The following ZBTB47 variants were observed in gnomAD, a reference collection of about 807,000 sequenced individuals.
ZBTB47 encodes the protein zinc finger and BTB domain containing 47, also known as zinc finger and BTB domain-containing protein 47.
A neutral mutation model predicts 56.6 loss-of-function variants in ZBTB47; 24 were observed. The ratio of observed to expected loss-of-function variants is 0.42; its 90% CI spans 0.31 to 0.60. The LOEUF (loss-of-function observed/expected upper bound fraction) is 0.60, where lower values mean the gene tolerates loss of function less well. ZBTB47 is among the 20% of genes least tolerant of loss of function. ZBTB47 has a pLI of 0.14. For synonymous variants in ZBTB47, 414 were observed against 418.9 expected, an observed-to-expected ratio of 0.99 and a Z score of 0.14; for missense variants, 829 against 1,032.6, an observed-to-expected ratio of 0.80 and a Z score of 2.70.
chr3:42,657,853 C>T (rs1710656793), intron 1 of ZBTB47, among the ~76,000 whole-genome samples: 1 of 152,134 alleles, frequency 6.6e-6, no homozygotes, highest in Non-Finnish European at 1.5e-5. Flanking sequence ...CTGGGGTGAC[C>T]ACCTGGTCCC....
chr3:42,666,825 A>G lies in ZBTB47; in HGVS notation c.*2227A>G, dbSNP rs1454251766. On this transcript the variant is annotated 3_prime_UTR_variant, in exon 6 of 6. Transcript: ENST00000232974. ...CCCTCTGGGATCAGGTGAGGGGTCC[A>G]GACAGCTGACCAGACAGCTTGACAG... 6.6e-6 allele frequency among the ~76,000 whole-genome samples: 1 copy of G among 152,218 alleles called. No homozygotes were observed. The highest frequency in any genetic ancestry group is 1.5e-5 in the Non-Finnish European group (1 of 68,042).
chr3:42,655,534 G>A (rs1203065085), intron 1 of ZBTB47, among the ~76,000 whole-genome samples: 2 of 152,224 alleles, frequency 1.3e-5, no homozygotes, highest in Admixed American at 1.3e-4. Flanking sequence ...GAAACCCCCT[G>A]GCAACCAGAG....
Position 42,659,608 on chromosome 3 carries a change from C to T in ZBTB47, c.1253C>T (p.Pro418Leu), listed in dbSNP as rs572001054. ...PGVASASARG[P>L]PATDGLGAKV... Reference sequence around the variant, plus strand: ...GTGGCCTCTGCATCGGCCCGAGGGCCGCCAGCCACTGATGGGCTGGGGGCC... The same window carrying T: ...GTGGCCTCTGCATCGGCCCGAGGGCTGCCAGCCACTGATGGGCTGGGGGCC... The change falls in exon 2 of 6, where the codon CCG (proline) becomes CTG (leucine). Residue 418 changes from proline to leucine, a missense_variant. This residue lies in a region of ZBTB47 where 187 missense variants were observed against 253.1 expected (regional missense o/e 0.74). Transcript: ENST00000232974. 3.6e-5 allele frequency: 57 copies of T among 1,605,532 alleles called. No homozygotes were observed. The highest frequency in any genetic ancestry group is 5.6e-5 in the South Asian group (5 of 89,988).
chr3:42,659,198 GGAC>G lies in ZBTB47; in HGVS notation c.849_851del (p.Asp283del), dbSNP rs749396739. 20 of 1,524,314 alleles carry G rather than the reference GGAC, an allele frequency of 1.3e-5. No homozygotes were observed. The highest frequency in any genetic ancestry group is 4.1e-5 in the African/African-American group (3 of 72,538). 94.4% of individuals were successfully genotyped at this position (1,524,314 alleles called of 1,614,324 possible). A position where few individuals can be genotyped will look rare whatever the true frequency, so the allele number is the denominator to read the frequency against. On this transcript the variant is annotated inframe_deletion, in exon 2 of 6. Transcript: ENST00000232974. ...AGAGACACTCGGACGAGGAGGAGGA[GGAC>G]GACGAGGAGGAGGAGGAGGAAGAAG...
In ZBTB47 at chr3:42,663,200, C is replaced by A; in HGVS notation, c.1737+73C>A. 1 of 1,170,780 alleles carries A rather than the reference C, an allele frequency of 8.5e-7. No homozygotes were observed. 72.5% of individuals were successfully genotyped at this position (1,170,780 alleles called of 1,614,324 possible). A position where few individuals can be genotyped will look rare whatever the true frequency, so the allele number is the denominator to read the frequency against. ...GGGCAGGAATCAGGGAGCGCAGCTG[C>A]TGAAAAACAAAGGGCTAGGGGGTGG... On this transcript the variant is annotated intron_variant, in intron 4 of 5. Transcript: ENST00000232974. This position sits in a 1 kb window ranked among gnomAD's most constrained non-coding sequence, Gnocchi z 5.1.
rs922772368 is a variant in ZBTB47 at position 42,656,946 on chromosome 3, A to T, written c.-81-1329A>T. 3.3e-5 allele frequency among the ~76,000 whole-genome samples: 5 copies of T among 152,108 alleles called. No homozygotes were observed. Among genetic ancestry groups the T allele is most frequent in the African/African-American group, 1.2e-4 (5 of 41,408 alleles). On this transcript the variant is annotated intron_variant, in intron 1 of 5. Transcript: ENST00000232974. The surrounding 1 kb of genome is among the most constrained non-coding windows in gnomAD (Gnocchi z 5.8). ...GAGCTGATGGTTTTGTGGCCATCAAAATATTGTGGCAAGGTACCTCCCGAA... is the reference window on the plus strand; with the variant it reads ...GAGCTGATGGTTTTGTGGCCATCAATATATTGTGGCAAGGTACCTCCCGAA...
Position 42,665,049 on chromosome 3 carries a change from C to G in ZBTB47, c.*451C>G, listed in dbSNP as rs1335552829. On this transcript the variant is annotated 3_prime_UTR_variant, in exon 6 of 6. Transcript: ENST00000232974. ...GCCTATCCCCATGTCCTCTATGCCC[C>G]TAATTTGCTTCCTCATCTTGGAGGG... The G allele has an allele frequency of 6.4e-6, 1 of 155,876 alleles. No homozygotes were observed. The highest frequency in any genetic ancestry group is 1.4e-5 in the Non-Finnish European group (1 of 70,852). The allele number at this position is 155,876 out of a possible 1,614,324, so 9.7% of individuals were successfully genotyped here. A position where few individuals can be genotyped will look rare whatever the true frequency, so the allele number is the denominator to read the frequency against.
At chr3:42,660,346 G>T (rs1326298917) in intron 2 of ZBTB47, among the ~76,000 whole-genome samples, 1 of 152,264 alleles carries the variant, frequency 6.6e-6, no homozygotes, top group East Asian at 1.9e-4. Flanking sequence ...CAAAAGTGCT[G>T]TATGGAGGAG....
chr3:42,658,796 C>A lies in ZBTB47; in HGVS notation c.441C>A (p.Asp147Glu), dbSNP rs968619216. 1.3e-6 allele frequency: 2 copies of A among 1,532,546 alleles called. No individual in the cohort carries two copies. Among genetic ancestry groups the A allele is most frequent in the South Asian group, 1.2e-5 (1 of 83,472 alleles). 94.9% of individuals were successfully genotyped at this position (1,532,546 alleles called of 1,614,324 possible). ...ACTGTGACATCAAGCAGGAGGCCGA[C>A]ACCCCAGGCCTGCCCAAGATCTATG... is the stretch of plus-strand genomic sequence containing the variant. Reference protein sequence around the residue: ...PYYCDIKQEADTPGLPKIYAR... With the variant: ...PYYCDIKQEAETPGLPKIYAR... The change falls in exon 2 of 6, where the codon GAC (aspartate) becomes GAA (glutamate). Residue 147 changes from aspartate to glutamate, a missense_variant. Asp to Glu is a conservative substitution (Grantham distance 45). Transcript: ENST00000232974.
rs2125838925 is a variant in ZBTB47 at position 42,663,892 on chromosome 3, G to A, written c.1833G>A (p.Lys611=). 1 of 1,613,774 alleles carries A rather than the reference G, an allele frequency of 6.2e-7. No homozygotes were observed. The highest frequency in any genetic ancestry group is 8.5e-7 in the Non-Finnish European group (1 of 1,179,874). ...AGTTCATGTGCCAATGGTGCGGCAA[G>A]GACTTCAACATGAAGCAGTACTTCG... ...HKQFMCQWCG[K]DFNMKQYFDE... Residue 611 remains lysine, a synonymous_variant, in exon 5 of 6, where the codon AAG becomes AAA. Coordinates refer to ENST00000232974, the MANE Select transcript of ZBTB47 (RefSeq NM_145166.4). This position sits in a 1 kb window ranked among gnomAD's most constrained non-coding sequence, Gnocchi z 5.1.
At chr3:42,662,044 C>T (rs1360820201) in intron 3 of ZBTB47, among the ~76,000 whole-genome samples, 1 of 152,228 alleles carries the variant, frequency 6.6e-6, no homozygotes, top group Non-Finnish European at 1.5e-5. Context: ...TTCTTTCTTA[C>T]CTTCTGGTCC....
At chr3:42,662,277 G>A (rs1710730436) in intron 3 of ZBTB47, among the ~76,000 whole-genome samples, 1 of 152,238 alleles carries the variant, frequency 6.6e-6, no homozygotes, top group African/African-American at 2.4e-5. Context: ...AAGGCAGACA[G>A]TGAGCCCCTG....
rs1351107358 is a variant in ZBTB47 at position 42,654,931 on chromosome 3, T to C, written c.-82+1048T>C. 1.3e-5 allele frequency among the ~76,000 whole-genome samples: 2 copies of C among 151,760 alleles called. No individual in the cohort carries two copies. Among genetic ancestry groups the C allele is most frequent in the African/African-American group, 4.8e-5 (2 of 41,344 alleles). The stretch of plus-strand genomic sequence containing the variant: ...GGCGCCGGCGCGCGAGGCTGAGGTC[T>C]TGCTAGGCACCGGCGAAGGGGGGCG... On this transcript the variant is annotated intron_variant, in intron 1 of 5. Coordinates refer to ENST00000232974, the MANE Select transcript of ZBTB47 (RefSeq NM_145166.4). This position sits in a 1 kb window ranked among gnomAD's most constrained non-coding sequence, Gnocchi z 5.0.
rs1710794695 is a variant in ZBTB47, at chr3:42,666,868, G to A, written c.*2270G>A. Among the ~76,000 whole-genome samples, 1 of 152,208 alleles carries A rather than the reference G, an allele frequency of 6.6e-6. No individual in the cohort carries two copies. Among genetic ancestry groups the A allele is most frequent in the African/African-American group, 2.4e-5 (1 of 41,464 alleles). On this transcript the variant is annotated 3_prime_UTR_variant, in exon 6 of 6. Transcript: ENST00000232974. ...CTTGACAGCTGGTCAAGACGGTCAC[G>A]GGAGCTCTAGGTGGGCACAACCAAC... is the stretch of plus-strand genomic sequence containing the variant.
chr3:42,659,766 C>T lies in ZBTB47; in HGVS notation c.1411C>T (p.Arg471Cys), dbSNP rs1371762694. The T allele has an allele frequency of 6.2e-6, 10 of 1,613,692 alleles. No homozygotes were observed. The highest frequency in any genetic ancestry group is 6.8e-6 in the Non-Finnish European group (8 of 1,179,772). ...GCAGATCTGCGACCAGTGCGGCAAG[C>T]GCTTCCTGCTGGAGAGCGAGCTGCT... ...RMQICDQCGK[R>C]FLLESELLLH... The change falls in exon 2 of 6, where the codon CGC becomes TGC. Residue 471 changes from arginine (R) to cysteine (C), a missense_variant. Physicochemically the swap from Arg to Cys is radical, Grantham distance 180. Transcript: ENST00000232974.
At position 42,664,268 on chromosome 3, in the gene ZBTB47, C is replaced by T; in HGVS notation, c.1914C>T (p.Gly638=). The change falls in exon 6 of 6, where the codon GGC becomes GGT. Residue 638 remains glycine, a synonymous_variant. Transcript: ENST00000232974. ...GEKPYICEIC[G]KSFTSRPNMK... ...AGCCGTACATCTGCGAGATCTGTGGCAAGAGCTTCACCAGCCGGCCCAACA... is the reference window on the plus strand; with the variant it reads ...AGCCGTACATCTGCGAGATCTGTGGTAAGAGCTTCACCAGCCGGCCCAACA... 1 of 1,613,746 alleles carries T rather than the reference C, an allele frequency of 6.2e-7. No homozygotes were observed. Among genetic ancestry groups the T allele is most frequent in the Middle Eastern group, 1.6e-4 (1 of 6,062 alleles).
chr3:42,654,572 T>C lies in ZBTB47; in HGVS notation c.-82+689T>C. On this transcript the variant is annotated intron_variant, in intron 1 of 5. Coordinates refer to ENST00000232974, the MANE Select transcript of ZBTB47 (RefSeq NM_145166.4). The surrounding 1 kb of genome is among the most constrained non-coding windows in gnomAD (Gnocchi z 5.0). ...TGCCTGGCCGCGCCCCCGGGGGCCA[T>C]GGTCGCGGGGCCCTGCGCGGGGGCG... 1 of 582,932 alleles carries C rather than the reference T, an allele frequency of 1.7e-6. No homozygotes were observed. Among genetic ancestry groups the C allele is most frequent in the Non-Finnish European group, 2.2e-6 (1 of 463,940 alleles). 36.1% of individuals were successfully genotyped at this position (582,932 alleles called of 1,614,324 possible). A position where few individuals can be genotyped will look rare whatever the true frequency, so the allele number is the denominator to read the frequency against.
Position 42,659,027 on chromosome 3 carries a change from C to T in ZBTB47, c.672C>T (p.Gly224=), listed in dbSNP as rs1710675240. The change falls in exon 2 of 6, where the codon GGC becomes GGT. Residue 224 remains glycine (G), a synonymous_variant. Coordinates refer to ENST00000232974, the MANE Select transcript of ZBTB47 (RefSeq NM_145166.4). ...TGGAGGAAGAGCTTGGGGGTTCTGG[C>T]ACCTACAGCCGCAGGGAGCAATCCC... The part of the protein sequence containing the change: ...EELEEELGGS[G]TYSRREQSQI... 5 of 1,530,324 alleles carry T rather than the reference C, an allele frequency of 3.3e-6. No individual in the cohort carries two copies. The East Asian group carries it at 1.2e-4, about 37-fold the overall frequency. The allele number at this position is 1,530,324 out of a possible 1,614,324, so 94.8% of individuals were successfully genotyped here.
rs1710691181 is a variant in ZBTB47 at position 42,659,775 on chromosome 3, C to T, written c.1420C>T (p.Leu474=). 6.2e-7 allele frequency: 1 copy of T among 1,613,446 alleles called. No individual in the cohort carries two copies. Among genetic ancestry groups the T allele is most frequent in the Non-Finnish European group, 8.5e-7 (1 of 1,179,606 alleles). ...ICDQCGKRFL[L]ESELLLHRQT... ...CGACCAGTGCGGCAAGCGCTTCCTG[C>T]TGGAGAGCGAGCTGCTGCTGCACAG... is the stretch of plus-strand genomic sequence containing the variant. The change falls in exon 2 of 6, where the codon CTG becomes TTG. Residue 474 remains leucine (L), a synonymous_variant. Transcript: ENST00000232974.
Sources: allele counts gnomAD v4.1 joint callset (sites outside exome capture counted in the v4.1 genomes callset), GRCh38; gene constraint gnomAD v4.1.1; regional missense constraint gnomAD v4.1.1; non-coding constraint Gnocchi (gnomAD v3.1); transcripts MANE v1.5; gene names NCBI Gene and HGNC (gene_info 2026-07-23, HGNC 2026-07-21).